The following ATP10B variants were observed in gnomAD, a reference collection of about 807,000 sequenced individuals.
The protein encoded by ATP10B is ATPase phospholipid transporting 10B (putative).
In ATP10B, 122 loss-of-function variants were observed where a neutral mutation model predicts 141.2. That is an observed-to-expected ratio of 0.86 (90% confidence interval 0.75 to 1.00). The LOEUF (loss-of-function observed/expected upper bound fraction) is 1.00. Ranked by LOEUF, ATP10B falls within the 50% of genes least tolerant of loss-of-function variation. The pLI, the probability that ATP10B is intolerant of heterozygous loss-of-function variation, is 0.00. For synonymous variants in ATP10B, 685 were observed against 692.0 expected (o/e 0.99, Z 0.16); for missense variants, 1,876 against 1,825.3 (o/e 1.03, Z -0.51).
At chr5:160,883,125 A>T in the ATP10B span, among the ~76,000 whole-genome samples, 1 of 152,240 alleles carries the variant, frequency 6.6e-6, no homozygotes, top group Non-Finnish European at 1.5e-5. Flanking sequence ...GTTTCAGGAA[A>T]TGCATTACTT....
chr5:160,652,940 T>C (rs574787885), intron 7 of ATP10B, among the ~76,000 whole-genome samples: 2 of 82,384 alleles, frequency 2.4e-5, no homozygotes, highest in Non-Finnish European at 4.1e-5. Context: ...TATATACATG[T>C]ATATATAATA....
At chr5:160,783,764 T>C (rs1770933138) in intron 2 of ATP10B, among the ~76,000 whole-genome samples, 1 of 152,048 alleles carries the variant, frequency 6.6e-6, no homozygotes, top group South Asian at 2.1e-4. Context: ...GTGGGATTGC[T>C]GGACCAAATG....
intron 21 of ATP10B, 42 bp from the exon 22 acceptor site, chr5:160,599,012 G>GCAGC: frequency 6.3e-7 from 1 of 1,597,424 alleles, no homozygotes; most frequent in Non-Finnish European, 8.6e-7. Flanking sequence ...GGCTCCATGT[G>GCAGC]CAGCCGGTCA....
intron 1 of ATP10B, among the ~76,000 whole-genome samples, chr5:160,805,337 T>G (rs1055918006): frequency 1.3e-5 from 2 of 152,228 alleles, no homozygotes; most frequent in Non-Finnish European, 2.9e-5. Flanking sequence ...CCTCAGCGTA[T>G]CCACATTAAA....
At chr5:160,768,696 G>T (rs762728517) in intron 2 of ATP10B, among the ~76,000 whole-genome samples, 7 of 152,180 alleles carry the variant, frequency 4.6e-5, no homozygotes, top group East Asian at 1.9e-4. Context: ...TATAGCCAGA[G>T]AATATATTGA....
intron 1 of ATP10B, among the ~76,000 whole-genome samples, chr5:160,818,122 T>A (rs967027841): frequency 3.9e-4 from 60 of 152,232 alleles, no homozygotes; most frequent in Non-Finnish European, 2.5e-4. Flanking sequence ...CCAAAAGCAA[T>A]GGCAACAAAA....
chr5:160,659,951 T>C (rs1761800410), intron 7 of ATP10B, among the ~76,000 whole-genome samples: 1 of 152,200 alleles, frequency 6.6e-6, no homozygotes, highest in Non-Finnish European at 1.5e-5. Context: ...TTTGACAAAT[T>C]TGATCTCTCT....
At chr5:160,675,144 G>A (rs1355412782) in intron 6 of ATP10B, among the ~76,000 whole-genome samples, 5 of 152,174 alleles carry the variant, frequency 3.3e-5, no homozygotes, top group African/African-American at 1.2e-4. Flanking sequence ...GCCGCCTGCA[G>A]AAGTCATTCT....
Position 160,565,724 on chromosome 5 carries a change from A to G in ATP10B, c.4115T>C (p.Ile1372Thr). 1 of 1,614,000 alleles carries G rather than the reference A, an allele frequency of 6.2e-7. No homozygotes were observed. The highest frequency in any genetic ancestry group is 8.5e-7 in the Non-Finnish European group (1 of 1,179,966). ...ARPTHHPVSSITGQDFSASTP... is the reference protein window; with the variant it reads ...ARPTHHPVSSTTGQDFSASTP... Reference sequence around the variant, plus strand: ...GCTGGCACTGAAGTCCTGTCCTGTGATAGATGACACTGGGTGGTGAGTTGG... The same window carrying G: ...GCTGGCACTGAAGTCCTGTCCTGTGGTAGATGACACTGGGTGGTGAGTTGG... The change falls in exon 26 of 26, where the codon ATC (isoleucine) becomes ACC (threonine). Residue 1372 changes from isoleucine (I) to threonine (T), a missense_variant. By Grantham distance (89) the Ile-to-Thr change is moderately conservative (BLOSUM62 -1). Coordinates refer to ENST00000327245, the MANE Select transcript of ATP10B (RefSeq NM_025153.3).
chr5:160,803,884 G>A (rs1772579505), intron 1 of ATP10B, among the ~76,000 whole-genome samples: 1 of 151,976 alleles, frequency 6.6e-6, no homozygotes, highest in Non-Finnish European at 1.5e-5. Flanking sequence ...TTTATTGAGT[G>A]CCTCTTAGAT....
intron 7 of ATP10B, among the ~76,000 whole-genome samples, chr5:160,669,101 T>C (rs1298514959): frequency 6.6e-6 from 1 of 152,180 alleles, no homozygotes; most frequent in Non-Finnish European, 1.5e-5. Context: ...TGAAGAAAAG[T>C]GATAAAATTG....
intron 5 of ATP10B, 143 bp downstream of exon 5, chr5:160,687,657 T>TG: frequency 2.0e-6 from 2 of 978,260 alleles, no homozygotes; most frequent in Non-Finnish European, 3.0e-6. Flanking sequence ...CCCAGCTATT[T>TG]GGGAGGCTGA....
At chr5:160,687,271 T>G (rs1379537969) in intron 5 of ATP10B, among the ~76,000 whole-genome samples, 1 of 152,248 alleles carries the variant, frequency 6.6e-6, no homozygotes, top group African/African-American at 2.4e-5. Flanking sequence ...GGACAGTATC[T>G]CTCTGCCTCT....
intron 7 of ATP10B, among the ~76,000 whole-genome samples, chr5:160,661,760 C>A (rs1761927418): frequency 6.6e-6 from 1 of 152,148 alleles, no homozygotes. Context: ...CCCTCTCTCA[C>A]CACTCTTATT....
At chr5:160,705,193 C>G (rs1764932094) in intron 3 of ATP10B, among the ~76,000 whole-genome samples, 1 of 152,070 alleles carries the variant, frequency 6.6e-6, no homozygotes, top group African/African-American at 2.4e-5. Flanking sequence ...GCTGGGATTA[C>G]AGGCGTGAGC....
At chr5:160,739,408 G>C (rs1249593007) in intron 2 of ATP10B, among the ~76,000 whole-genome samples, 1 of 152,068 alleles carries the variant, frequency 6.6e-6, no homozygotes, top group Non-Finnish European at 1.5e-5. Context: ...CATACAACAT[G>C]ATAACATATG....
At position 160,829,202 on chromosome 5, in the gene ATP10B, TATA is replaced by T. The variant is rs368351555; in HGVS notation, c.-576+22736_-576+22738del. Among the ~76,000 whole-genome samples the T allele has an allele frequency of 5.1e-3, 760 of 150,042 alleles. 7 individuals are homozygous for T. The highest frequency in any genetic ancestry group is 0.018 in the African/African-American group (723 of 40,986). Reference sequence around the variant, plus strand: ...TGCACATGTACCCTAAAACTTAAAGTATAATAATAAAAAAAAAAGCAATTCGTT... The same window carrying T: ...TGCACATGTACCCTAAAACTTAAAGTATAATAAAAAAAAAAGCAATTCGTT... On this transcript the variant is annotated intron_variant, in intron 1 of 25. Coordinates refer to ENST00000327245, the MANE Select transcript of ATP10B (RefSeq NM_025153.3).
At chr5:160,668,307 T>G (rs1057261677) in intron 7 of ATP10B, among the ~76,000 whole-genome samples, 1 of 151,850 alleles carries the variant, frequency 6.6e-6, no homozygotes, top group Non-Finnish European at 1.5e-5. Context: ...GGTGTCATTC[T>G]TACATACTCA....
intron 20 of ATP10B, 34 bp downstream of exon 20, chr5:160,603,931 C>T: frequency 6.3e-7 from 1 of 1,575,184 alleles, no homozygotes; most frequent in Non-Finnish European, 8.7e-7. Flanking sequence ...CAACTAAGGA[C>T]CAAAGAAAGA....
Sources: gnomAD v4.1 joint callset for allele counts (sites outside exome capture counted in the v4.1 genomes callset) on GRCh38, gnomAD v4.1.1 for gene constraint, MANE v1.5 for transcripts, NCBI Gene and HGNC (gene_info 2026-07-23, HGNC 2026-07-21) for gene names.